Variants in MSLN observed in about 807,000 individuals in gnomAD.
The protein encoded by MSLN is mesothelin, also known as CAK1 antigen.
MSLN carries 82 observed loss-of-function variants against 72.6 expected under a neutral mutation model. The ratio of observed to expected loss-of-function variants is 1.13; its 90% CI spans 0.94 to 1.36. The LOEUF (loss-of-function observed/expected upper bound fraction) is 1.36, where lower values mean the gene tolerates loss of function less well. Ranked by LOEUF, MSLN falls within the 40% of genes most tolerant of loss-of-function variation. The pLI is 0.00. For missense variants in MSLN, 1,005 were observed against 847.9 expected (o/e 1.19, Z -2.30); for synonymous variants, 456 against 387.3 (o/e 1.18, Z -2.08).
At chr16:764,382 G>A (rs2041575947) in intron 6 of MSLN, among the ~76,000 whole-genome samples, 1 of 152,184 alleles carries the variant, frequency 6.6e-6, no homozygotes. Context: ...GCCCCCTCCT[G>A]GAGCGCCGTG....
At position 765,008 on chromosome 16, in the gene MSLN, G is replaced by A. The variant is rs762827908; in HGVS notation, c.482G>A (p.Arg161Gln). ...LLPRGAPERQ[R>Q]LLPAALACWG... is the part of the protein sequence containing the mutation. The stretch of plus-strand genomic sequence containing the variant: ...CCGAGGGGGGCTCCCGAGCGACAGC[G>A]GCTGCTGCCTGCGGCTCTGGCCTGC... Residue 161 changes from arginine (R) to glutamine (Q), a missense_variant, in exon 8 of 18, where the codon CGG (arginine) becomes CAG (glutamine). Coordinates refer to ENST00000545450, the MANE Select transcript of MSLN (RefSeq NM_005823.6). 21 of 1,611,576 alleles carry A rather than the reference G, an allele frequency of 1.3e-5. No individual in the cohort carries two copies. The highest frequency in any genetic ancestry group is 4.4e-5 in the South Asian group (4 of 91,046).
rs1251010235 is a variant in MSLN, at chr16:768,724, C to T, written c.1860C>T (p.Thr620=). 4 of 1,610,676 alleles carry T rather than the reference C, an allele frequency of 2.5e-6. No individual in the cohort carries two copies. Among genetic ancestry groups the T allele is most frequent in the Non-Finnish European group, 3.4e-6 (4 of 1,179,520 alleles). ...TCCTGGCACTGCTCCTAGCCTCCAC[C>T]CTGGCCTGAGGGCCCCACTCCCTTG... is the stretch of plus-strand genomic sequence containing the variant. ...LTVLALLLAS[T]LA is the part of the protein sequence containing the mutation. The change falls in exon 18 of 18, where the codon ACC becomes ACT. Residue 620 remains threonine, a synonymous_variant. Transcript: ENST00000545450.
chr16:762,433 G>A (rs993202385), intron 2 of MSLN: 18 of 535,392 alleles, frequency 3.4e-5, no homozygotes, highest in Non-Finnish European at 5.0e-5. Flanking sequence ...TGACTCCTGG[G>A]CTGTCTGGGC....
At chr16:767,285 C>A in intron 15 of MSLN, 91 bp from the exon 16 acceptor site, 1 of 1,281,946 alleles carries the variant, frequency 7.8e-7, no homozygotes, top group Non-Finnish European at 1.1e-6. Context: ...AAGGGAAGCC[C>A]TGTAAGGCAA....
rs755733260 is a variant in MSLN, at chr16:768,524, G to T, written c.1742G>T (p.Gly581Val). The T allele has an allele frequency of 6.3e-7, 1 of 1,599,734 alleles. No individual in the cohort carries two copies. Among genetic ancestry groups the T allele is most frequent in the Non-Finnish European group, 8.5e-7 (1 of 1,172,294 alleles). The change falls in exon 17 of 18, where the codon GGC becomes GTC. Residue 581 changes from glycine (G) to valine (V), a missense_variant. Transcript: ENST00000545450. ...ACGCTGGGGCTGGGGCTACAGGGCG[G>T]CATCCCCAACGGCTACCTGGTCCTA... ...LDTLGLGLQG[G>V]IPNGYLVLDL...
At chr16:767,546 AGGGGGGGCGTGTGGG>A in intron 16 of MSLN, 76 bp downstream of exon 16, 1 of 27,048 alleles carries the variant, frequency 3.7e-5, no homozygotes, top group Non-Finnish European at 6.7e-5. Context: ...GGGCGCGTGG[AGGGGGGGCGTGTGGG>A]GGGGTGCGTG....
intron 3 of MSLN, among the ~76,000 whole-genome samples, 181 bp from the exon 4 acceptor site, chr16:763,052 A>G: frequency 6.6e-6 from 1 of 151,932 alleles, no homozygotes; most frequent in Non-Finnish European, 1.5e-5. Flanking sequence ...TGGAGTCCCG[A>G]CCCCTGTGCC....
chr16:763,341 TTC>T, intron 4 of MSLN, 65 bp downstream of exon 4: 1 of 1,331,880 alleles, frequency 7.5e-7, no homozygotes, highest in Non-Finnish European at 1.0e-6. Context: ...CCATGCTGTG[TTC>T]TCTCTGTCAC....
In MSLN at chr16:768,677, G is replaced by C. The variant is rs773877684; in HGVS notation, c.1813G>C (p.Gly605Arg). The C allele has an allele frequency of 6.2e-7, 1 of 1,610,852 alleles. No individual in the cohort carries two copies. Among genetic ancestry groups the C allele is most frequent in the African/African-American group, 1.3e-5 (1 of 74,830 alleles). Residue 605 changes from glycine to arginine, a missense_variant, in exon 18 of 18, where the codon GGA becomes CGA. Physicochemically the swap from Gly to Arg is moderately radical, Grantham distance 125 (BLOSUM62 -2). Coordinates refer to ENST00000545450, the MANE Select transcript of MSLN (RefSeq NM_005823.6). ...CCTCTCGGGGACGCCCTGCCTCCTA[G>C]GACCTGGACCTGTTCTCACCGTCCT... ...EALSGTPCLL[G>R]PGPVLTVLAL...
intron 7 of MSLN, 54 bp downstream of exon 7, chr16:764,780 C>A: frequency 6.3e-7 from 1 of 1,578,612 alleles, no homozygotes; most frequent in South Asian, 1.1e-5. Context: ...AGCCCTCAGC[C>A]CCCAACCCCC....
rs757074531 is a variant in MSLN, at chr16:766,248, A to C, written c.1074+11A>C. On this transcript the variant is annotated intron_variant, in intron 12 of 17. Transcript: ENST00000545450. ...CATAAACTGGATGAGGTAGTTCATGACTCAAGTTCCCACCGGCCTGCTGTG... is the reference window on the plus strand; with the variant it reads ...CATAAACTGGATGAGGTAGTTCATGCCTCAAGTTCCCACCGGCCTGCTGTG... The C allele has an allele frequency of 6.2e-7, 1 of 1,607,778 alleles. No individual in the cohort carries two copies. The highest frequency in any genetic ancestry group is 8.5e-7 in the Non-Finnish European group (1 of 1,175,794).
rs372635719 is a variant in MSLN, at chr16:766,870, C to G, written c.1374-15C>G. 1 of 1,612,434 alleles carries G rather than the reference C, an allele frequency of 6.2e-7. No individual in the cohort carries two copies. The highest frequency in any genetic ancestry group is 8.5e-7 in the Non-Finnish European group (1 of 1,179,852). On this transcript the variant is annotated splice_polypyrimidine_tract_variant and intron_variant, in intron 14 of 17. Transcript: ENST00000545450. ...CCGTGTGCTGGCGCTCACTGTCCAC[C>G]CACCGTGTCCCCAGGGCGGTCAGGC...
intron 11 of MSLN, 71 bp downstream of exon 11, chr16:765,861 G>C: frequency 6.9e-7 from 1 of 1,456,314 alleles, no homozygotes; most frequent in South Asian, 1.2e-5. Context: ...TCACTTTAGG[G>C]TCTCACCTGC....
intron 15 of MSLN, 112 bp downstream of exon 15, chr16:767,124 G>A: frequency 1.3e-6 from 2 of 1,520,836 alleles, no homozygotes; most frequent in East Asian, 2.3e-5. Context: ...AGGGTAACTG[G>A]GTGGTCACCC....
In MSLN at chr16:764,651, G is replaced by C; in HGVS notation, c.305G>C (p.Arg102Pro). ...KNVKLSTEQL[R>P]CLAHRLSEPP... ...CTGGACTCCCTGCCCCTGCAGCTGC[G>C]CTGTCTGGCTCACCGGCTCTCTGAG... Residue 102 changes from arginine to proline, a missense_variant, in exon 7 of 18, where the codon CGC (arginine) becomes CCC (proline). By Grantham distance (103) the Arg-to-Pro change is moderately radical (BLOSUM62 -2). Transcript: ENST00000545450. 6.2e-7 allele frequency: 1 copy of C among 1,612,270 alleles called. No homozygotes were observed. The highest frequency in any genetic ancestry group is 8.5e-7 in the Non-Finnish European group (1 of 1,179,622).
At chr16:768,336 G>C in intron 16 of MSLN, 43 bp from the exon 17 acceptor site, 1 of 1,492,938 alleles carries the variant, frequency 6.7e-7, no homozygotes, top group Non-Finnish European at 8.9e-7. Flanking sequence ...GCGGCGCTGA[G>C]GGAAGGAGAC....
In MSLN at chr16:765,749, A is replaced by G; in HGVS notation, c.854A>G (p.Glu285Gly). 6.2e-7 allele frequency: 1 copy of G among 1,600,680 alleles called. No individual in the cohort carries two copies. Among genetic ancestry groups the G allele is most frequent in the Non-Finnish European group, 8.5e-7 (1 of 1,179,688 alleles). ...CGGGACCCATCCTGGCGGCAGCCTG[A>G]ACGGACCATCCTCCGGCCGCGGTTC... ...SSRDPSWRQPERTILRPRFRR... is the reference protein window; with the variant it reads ...SSRDPSWRQPGRTILRPRFRR... The change falls in exon 11 of 18, where the codon GAA becomes GGA. Residue 285 changes from glutamate to glycine, a missense_variant. By Grantham distance (98) the Glu-to-Gly change is moderately conservative. Transcript: ENST00000545450.
At position 762,710 on chromosome 16, in the gene MSLN, G is replaced by A. The variant is rs2041551189; in HGVS notation, c.30G>A (p.Leu10=). MALPTARPL[L]GSCGTPALGS... ...CCTTGCCAACGGCTCGACCCCTGTT[G>A]GGGTCCTGTGGGACCCCCGCCCTCG... is the stretch of plus-strand genomic sequence containing the variant. Residue 10 remains leucine, a synonymous_variant, in exon 3 of 18, where the codon TTG becomes TTA. Coordinates refer to ENST00000545450, the MANE Select transcript of MSLN (RefSeq NM_005823.6). 1 of 1,609,388 alleles carries A rather than the reference G, an allele frequency of 6.2e-7. No individual in the cohort carries two copies. Among genetic ancestry groups the A allele is most frequent in the Non-Finnish European group, 8.5e-7 (1 of 1,178,608 alleles).
At chr16:762,032 CCCACCCTAGA>C (rs1218730257) in intron 2 of MSLN, among the ~76,000 whole-genome samples, 4 of 152,242 alleles carry the variant, frequency 2.6e-5, no homozygotes, top group African/African-American at 9.6e-5. Flanking sequence ...GCCCACAGGC[CCCACCCTAGA>C]GAGTACAAGG....
Sources: gnomAD v4.1 joint callset for allele counts (sites outside exome capture counted in the v4.1 genomes callset) on GRCh38, gnomAD v4.1.1 for gene constraint, MANE v1.5 for transcripts, NCBI Gene and HGNC (gene_info 2026-07-23, HGNC 2026-07-21) for gene names.